ETFBKMT: variants seen among roughly 807,000 people sequenced by gnomAD.
ETFBKMT encodes electron transfer flavoprotein beta subunit lysine methyltransferase.
Under a neutral mutation model 18.3 loss-of-function variants are expected in ETFBKMT, and 13 were observed. The ratio of observed to expected loss-of-function variants is 0.71; its 90% confidence interval spans 0.46 to 1.13. The LOEUF (loss-of-function observed/expected upper bound fraction) is 1.13. ETFBKMT is among the 50% of genes most tolerant of loss of function. The probability of loss-of-function intolerance (pLI) is 0.00; values close to 1 mark genes in which losing one functional copy is unlikely to be tolerated. For synonymous variants in ETFBKMT, 84 were observed against 107.9 expected (o/e 0.78, Z 1.37); for missense variants, 293 against 306.2 (o/e 0.96, Z 0.32).
At chr12:31,649,506 A>G (rs1171438614) in intron 1 of ETFBKMT, among the ~76,000 whole-genome samples, 1 of 151,822 alleles carries the variant, frequency 6.6e-6, no homozygotes, top group Non-Finnish European at 1.5e-5. Context: ...GGGCTAGTCT[A>G]TTGGTGCCAT....
intron 1 of ETFBKMT, among the ~76,000 whole-genome samples, chr12:31,649,362 A>C (rs1238675711): frequency 1.3e-5 from 2 of 152,214 alleles, no homozygotes; most frequent in Non-Finnish European, 2.9e-5. Context: ...CATTATGCTC[A>C]ATGAAAGAGT....
chr12:31,653,011 C>A (rs1951030352), intron 1 of ETFBKMT, among the ~76,000 whole-genome samples: 1 of 152,186 alleles, frequency 6.6e-6, no homozygotes, highest in African/African-American at 2.4e-5. Context: ...GAGTTCGGAA[C>A]CAGCCTGGGC....
intron 1 of ETFBKMT, among the ~76,000 whole-genome samples, chr12:31,649,624 A>G (rs1950997877): frequency 6.6e-6 from 1 of 152,104 alleles, no homozygotes; most frequent in South Asian, 2.1e-4. Flanking sequence ...GGCCAAAACA[A>G]CAATTACTTT....
intron 3 of ETFBKMT, among the ~76,000 whole-genome samples, chr12:31,666,893 G>A (rs1014600478): frequency 1.3e-5 from 2 of 151,582 alleles, no homozygotes; most frequent in Admixed American, 6.6e-5. Flanking sequence ...TCCTGACCTC[G>A]TGATCTGCCC....
At position 31,647,865 on chromosome 12, in the gene ETFBKMT, A is replaced by C. The variant is rs546875278; in HGVS notation, c.-114+610A>C. 4.6e-5 allele frequency among the ~76,000 whole-genome samples: 7 copies of C among 152,294 alleles called. No individual in the cohort carries two copies. In the East Asian group the frequency reaches 1.3e-3, roughly 29 times the overall value. Reference sequence around the variant, plus strand: ...AAAGAAAACAAACAAACAAAAAAAAAACAAGTGTTGATAAGAATGTGGAGA... The same window carrying C: ...AAAGAAAACAAACAAACAAAAAAAACACAAGTGTTGATAAGAATGTGGAGA... On this transcript the variant is annotated intron_variant, in intron 1 of 3. Transcript: ENST00000412352.
chr12:31,664,572 A>G (rs1951169519), intron 2 of ETFBKMT, among the ~76,000 whole-genome samples: 1 of 152,038 alleles, frequency 6.6e-6, no homozygotes, highest in Non-Finnish European at 1.5e-5. Context: ...TGCTCTTCTA[A>G]GAGGTTTTTA....
intron 1 of ETFBKMT, among the ~76,000 whole-genome samples, chr12:31,653,524 T>G (rs1248276109): frequency 6.6e-6 from 1 of 152,078 alleles, no homozygotes; most frequent in Non-Finnish European, 1.5e-5. Flanking sequence ...AGATAGGGAA[T>G]TGAAAAAAGG....
upstream of ETFBKMT, among the ~76,000 whole-genome samples, chr12:31,656,849 T>C (rs181060210): frequency 2.2e-4 from 33 of 152,342 alleles, no homozygotes; most frequent in Admixed American, 1.3e-3. Flanking sequence ...TCAAGTTTGA[T>C]CCTCTCACCT....
chr12:31,653,791 AC>A, intron 1 of ETFBKMT, among the ~76,000 whole-genome samples: 1 of 152,124 alleles, frequency 6.6e-6, no homozygotes, highest in Non-Finnish European at 1.5e-5. Context: ...TACTGAAAAT[AC>A]AAAAAATTAG....
rs1189317037 is a variant in ETFBKMT, at chr12:31,669,286, T to G, written c.*1296T>G. On this transcript the variant is annotated 3_prime_UTR_variant, in exon 4 of 4. Coordinates refer to ENST00000357721, the MANE Select transcript of ETFBKMT (RefSeq NM_001135863.2). ...TTATTATACAGTAGCCTAACTGATGTGATAAGGTATGGGAGAAGGTATGTT... is the reference window on the plus strand; with the variant it reads ...TTATTATACAGTAGCCTAACTGATGGGATAAGGTATGGGAGAAGGTATGTT... 1 of 152,198 alleles carries G rather than the reference T, an allele frequency of 6.6e-6. No homozygotes were observed. The highest frequency in any genetic ancestry group is 1.5e-5 in the Non-Finnish European group (1 of 68,034). 9.4% of individuals were successfully genotyped at this position (152,198 alleles called of 1,614,324 possible).
rs1370006233 is a variant in ETFBKMT, at chr12:31,649,347, G to C, written c.-114+2092G>C. Among the ~76,000 whole-genome samples, 6 of 152,172 alleles carry C rather than the reference G, an allele frequency of 3.9e-5. No homozygotes were observed. In the South Asian group the frequency reaches 1.0e-3, roughly 26 times the overall value. ...TTATTCATTCTACAACATGAATGAA[G>C]AAAACATTATGCTCAATGAAAGAGT... On this transcript the variant is annotated intron_variant, in intron 1 of 3. Transcript: ENST00000412352.
At chr12:31,664,616 CTTTTTTTTTT>C (rs59300091) in intron 2 of ETFBKMT, among the ~76,000 whole-genome samples, 4 of 133,026 alleles carry the variant, frequency 3.0e-5, no homozygotes, top group African/African-American at 1.1e-4. Flanking sequence ...CTTTTTCTTT[CTTTTTTTTTT>C]TTTTTTTGAG....
intron 1 of ETFBKMT, among the ~76,000 whole-genome samples, chr12:31,653,947 C>CA (rs369209512): frequency 4.6e-5 from 7 of 150,552 alleles, no homozygotes; most frequent in Non-Finnish European, 8.9e-5. Flanking sequence ...AACTCTGTCT[C>CA]AAAAAAAATA....
intron 1 of ETFBKMT, among the ~76,000 whole-genome samples, chr12:31,648,761 C>A (rs2139606326): frequency 6.6e-6 from 1 of 151,918 alleles, no homozygotes; most frequent in African/African-American, 2.4e-5. Flanking sequence ...CAGGGTTTCA[C>A]CATGTTAGCC....
upstream of ETFBKMT, among the ~76,000 whole-genome samples, chr12:31,654,930 C>G (rs1254429391): frequency 1.3e-5 from 2 of 151,986 alleles, no homozygotes; most frequent in Non-Finnish European, 2.9e-5. Flanking sequence ...GTGGTTCACG[C>G]CTGTAATCCC....
chr12:31,656,126 C>T (rs993887347), upstream of ETFBKMT, among the ~76,000 whole-genome samples: 1 of 152,172 alleles, frequency 6.6e-6, no homozygotes, highest in Non-Finnish European at 1.5e-5. Context: ...ACATGGTCTG[C>T]TTTCAAGTCT....
Position 31,666,111 on chromosome 12 carries a change from T to C in ETFBKMT, c.339T>C (p.Val113=). The stretch of plus-strand genomic sequence containing the variant: ...GGTATCTTTTGGATAATCCTGATGT[T>C]GTCAGAGGAAAATCTGTATTAGATC... ...LSRYLLDNPD[V]VRGKSVLDLG... is the part of the protein sequence containing the mutation. Residue 113 remains valine (V), a synonymous_variant, in exon 3 of 4, where the codon GTT becomes GTC. Coordinates refer to ENST00000357721, the MANE Select transcript of ETFBKMT (RefSeq NM_001135863.2). 1 of 1,613,560 alleles carries C rather than the reference T, an allele frequency of 6.2e-7. No individual in the cohort carries two copies. Among genetic ancestry groups the C allele is most frequent in the South Asian group, 1.1e-5 (1 of 91,068 alleles).
upstream of ETFBKMT, among the ~76,000 whole-genome samples, chr12:31,656,565 C>T (rs745890409): frequency 2.7e-4 from 41 of 152,262 alleles, no homozygotes; most frequent in Non-Finnish European, 5.3e-4. Context: ...ACAGGCCAAT[C>T]GAGTGGAGCA....
intron 2 of ETFBKMT, among the ~76,000 whole-genome samples, chr12:31,663,874 C>G (rs1951161745): frequency 6.6e-6 from 1 of 152,092 alleles, no homozygotes; most frequent in Non-Finnish European, 1.5e-5. Flanking sequence ...CCTTGCTTAA[C>G]CTTATTTTAT....
Sources: allele counts gnomAD v4.1 joint callset (sites outside exome capture counted in the v4.1 genomes callset), GRCh38; gene constraint gnomAD v4.1.1; transcripts MANE v1.5; gene names NCBI Gene and HGNC (gene_info 2026-07-23, HGNC 2026-07-21).